Variants in SLC4A11 observed in about 807,000 individuals in gnomAD.
SLC4A11 encodes solute carrier family 4 member 11.
In SLC4A11, 74 loss-of-function variants were observed where a neutral mutation model predicts 95.0. That is an observed-to-expected ratio of 0.78 (90% CI 0.65 to 0.95). SLC4A11 has a LOEUF of 0.95. Ranked by LOEUF, SLC4A11 falls within the 40% of genes least tolerant of loss-of-function variation. The pLI is 0.00. For missense variants in SLC4A11, 1,081 were observed against 1,192.4 expected (o/e 0.91, Z 1.38); for synonymous variants, 548 against 519.0 (o/e 1.06, Z -0.76).
chr20:3,229,069 A>ACC, intron 16 of SLC4A11, 26 bp downstream of exon 16: 1 of 193,708 alleles, frequency 5.2e-6, no homozygotes, highest in Non-Finnish European at 9.0e-6. Flanking sequence ...GGCCCCGCCC[A>ACC]CCCCACCCTC....
Position 3,231,310 on chromosome 20 carries a change from C to G in SLC4A11, c.948+20G>C, listed in dbSNP as rs369116046. On this transcript the variant is annotated intron_variant, in intron 8 of 19. Transcript: ENST00000642402. This position sits in a 1 kb window ranked among gnomAD's most constrained non-coding sequence, Gnocchi z 5.2. Reference sequence around the variant, plus strand: ...TGCCCCCGCCGACCCTGCCGGCCCCCGCCGGCCTCTACCCTGTACCTCTGG... The same window carrying G: ...TGCCCCCGCCGACCCTGCCGGCCCCGGCCGGCCTCTACCCTGTACCTCTGG... 1.9e-6 allele frequency: 3 copies of G among 1,613,484 alleles called. No homozygotes were observed. The highest frequency in any genetic ancestry group is 2.5e-6 in the Non-Finnish European group (3 of 1,179,962).
rs1476388749 is a variant in SLC4A11, at chr20:3,231,859, T to C, written c.730-311A>G. 6.6e-6 allele frequency among the ~76,000 whole-genome samples: 1 copy of C among 152,210 alleles called. No individual in the cohort carries two copies. Among genetic ancestry groups the C allele is most frequent in the African/African-American group, 2.4e-5 (1 of 41,454 alleles). On this transcript the variant is annotated intron_variant, in intron 7 of 19. Coordinates refer to ENST00000642402, the MANE Select transcript of SLC4A11 (RefSeq NM_001174089.2). This position sits in a 1 kb window ranked among gnomAD's most constrained non-coding sequence, Gnocchi z 5.2. Reference sequence around the variant, plus strand: ...TTTTTGTAGAGACGAGGTCTCACTATGTTGACCAGGCTGGTCTCAAACTCC... The same window carrying C: ...TTTTTGTAGAGACGAGGTCTCACTACGTTGACCAGGCTGGTCTCAAACTCC...
At chr20:3,230,473 C>T (rs1449613359) in intron 12 of SLC4A11, 42 bp downstream of exon 12, 1 of 1,613,160 alleles carries the variant, frequency 6.2e-7, no homozygotes, top group Admixed American at 1.7e-5. Context: ...AACCAGATCC[C>T]AAGCCTTGAG....
chr20:3,238,754 G>A (rs1385518103), intron 1 of SLC4A11: 1 of 1,095,056 alleles, frequency 9.1e-7, no homozygotes, highest in Non-Finnish European at 1.1e-6. Flanking sequence ...GCTCCCAAAA[G>A]CTCGGCGCTC....
chr20:3,234,444 A>T lies in SLC4A11; in HGVS notation c.291+124T>A, dbSNP rs2067900360. The T allele has an allele frequency of 1.5e-5, 21 of 1,392,666 alleles. No homozygotes were observed. The highest frequency in any genetic ancestry group is 2.1e-5 in the Non-Finnish European group (21 of 988,924). 86.3% of individuals were successfully genotyped at this position (1,392,666 alleles called of 1,614,324 possible). Reference sequence around the variant, plus strand: ...CAGCCCCCAGCCCTGGGCTGGTGCGAGCTCCCTGTTGAGCTGCTCCTGGAG... The same window carrying T: ...CAGCCCCCAGCCCTGGGCTGGTGCGTGCTCCCTGTTGAGCTGCTCCTGGAG... On this transcript the variant is annotated intron_variant, in intron 4 of 19. Coordinates refer to ENST00000642402, the MANE Select transcript of SLC4A11 (RefSeq NM_001174089.2). This position sits in a 1 kb window ranked among gnomAD's most constrained non-coding sequence, Gnocchi z 5.8.
chr20:3,228,972 G>C lies in SLC4A11; in HGVS notation c.2058C>G (p.Leu686=), dbSNP rs141079217. The C allele has an allele frequency of 2.1e-4, 345 of 1,613,686 alleles. No individual in the cohort carries two copies. The highest frequency in any genetic ancestry group is 3.6e-5 in the Non-Finnish European group (43 of 1,180,034). ...KGTAYHWDLL[L]LAIINTGLSL... ...ACAGCCCTGTGTTGATGATGGCGAG[G>C]AGCAGGAGGTCCCAGTGGTAGGCAG... Residue 686 remains leucine (L), a synonymous_variant, in exon 17 of 20, where the codon CTC becomes CTG. Transcript: ENST00000642402.
intron 1 of SLC4A11, chr20:3,238,439 C>T: frequency 5.8e-6 from 6 of 1,027,476 alleles, no homozygotes; most frequent in Non-Finnish European, 5.8e-6. Context: ...GGGGCGGGGG[C>T]GCTGGGGCGC....
At chr20:3,239,420 C>G (rs1266533919), upstream of SLC4A11, 1 of 1,072,498 alleles carries the variant, frequency 9.3e-7, no homozygotes, top group African/African-American at 1.7e-5. Flanking sequence ...CCGAGTAGAC[C>G]CGGCTCCTTC....
In SLC4A11 at chr20:3,234,412, C is replaced by T; in HGVS notation, c.292-98G>A. ...CAGCCAGCCGCAGCAGTCCAGCCCC[C>T]AGCCCCCAGCCCCCAGCCCTGGGCT... is the stretch of plus-strand genomic sequence containing the variant. On this transcript the variant is annotated intron_variant, in intron 4 of 19. Coordinates refer to ENST00000642402, the MANE Select transcript of SLC4A11 (RefSeq NM_001174089.2). This position sits in a 1 kb window ranked among gnomAD's most constrained non-coding sequence, Gnocchi z 5.8. 1 of 1,476,384 alleles carries T rather than the reference C, an allele frequency of 6.8e-7. No individual in the cohort carries two copies. Among genetic ancestry groups the T allele is most frequent in the East Asian group, 2.3e-5 (1 of 43,710 alleles). The allele number at this position is 1,476,384 out of a possible 1,614,324, so 91.5% of individuals were successfully genotyped here. A position where few individuals can be genotyped will look rare whatever the true frequency, so the allele number is the denominator to read the frequency against.
At chr20:3,228,460 C>A (rs767489954) in intron 18 of SLC4A11, 32 bp from the exon 19 acceptor site, 2 of 1,612,962 alleles carry the variant, frequency 1.2e-6, no homozygotes, top group South Asian at 2.2e-5. Flanking sequence ...TGTGGGCAGG[C>A]ATGGGGCTGT....
chr20:3,236,476 CTA>C (rs2067984802), intron 2 of SLC4A11, among the ~76,000 whole-genome samples: 1 of 152,146 alleles, frequency 6.6e-6, no homozygotes, highest in Non-Finnish European at 1.5e-5. Context: ...GTAGTCCCAG[CTA>C]CTCGGGAGGC....
rs748771245 is a variant in SLC4A11, at chr20:3,231,868, G to A, written c.730-320C>T. On this transcript the variant is annotated intron_variant, in intron 7 of 19. Coordinates refer to ENST00000642402, the MANE Select transcript of SLC4A11 (RefSeq NM_001174089.2). This position sits in a 1 kb window ranked among gnomAD's most constrained non-coding sequence, Gnocchi z 5.2. ...AGACGAGGTCTCACTATGTTGACCA[G>A]GCTGGTCTCAAACTCCTGGCCTCAA... Among the ~76,000 whole-genome samples the A allele has an allele frequency of 3.7e-4, 57 of 152,122 alleles. No individual in the cohort carries two copies. The highest frequency in any genetic ancestry group is 1.9e-4 in the Non-Finnish European group (13 of 68,020).
intron 2 of SLC4A11, among the ~76,000 whole-genome samples, chr20:3,237,234 G>T (rs2068009911): frequency 6.6e-6 from 1 of 152,190 alleles, no homozygotes; most frequent in Non-Finnish European, 1.5e-5. Flanking sequence ...AGAGGGACAG[G>T]GGCACACAGA....
At chr20:3,239,005 G>A (rs1292512323) in intron 1 of SLC4A11, 90 bp downstream of exon 1, 2 of 1,409,594 alleles carry the variant, frequency 1.4e-6, no homozygotes, top group Non-Finnish European at 1.8e-6. Context: ...CAGGCAGACG[G>A]CATCCGCGTT....
At chr20:3,232,072 A>G (rs1177819800) in intron 7 of SLC4A11, among the ~76,000 whole-genome samples, 1 of 152,258 alleles carries the variant, frequency 6.6e-6, no homozygotes, top group African/African-American at 2.4e-5. Flanking sequence ...TTATAAACTC[A>G]TGATTTCTTA....
rs1489007444 is a variant in SLC4A11 at position 3,234,937 on chromosome 20, C to T, written c.89-43G>A. On this transcript the variant is annotated intron_variant, in intron 2 of 19. Transcript: ENST00000642402. The surrounding 1 kb of genome is among the most constrained non-coding windows in gnomAD (Gnocchi z 5.8). ...CAAGAGGGCCTGGCTGTTAAAGTGC[C>T]ACACACAGGAAGGAGGGGCTCCAAG... 1.9e-6 allele frequency: 3 copies of T among 1,612,670 alleles called. No individual in the cohort carries two copies. Among genetic ancestry groups the T allele is most frequent in the Non-Finnish European group, 2.5e-6 (3 of 1,179,468 alleles).
Position 3,228,983 on chromosome 20 carries a change from CCCA to C in SLC4A11, c.2044_2046del (p.Trp682del). 6.2e-7 allele frequency: 1 copy of C among 1,613,686 alleles called. No homozygotes were observed. Among genetic ancestry groups the C allele is most frequent in the Non-Finnish European group, 8.5e-7 (1 of 1,180,010 alleles). The stretch of plus-strand genomic sequence containing the variant: ...TTGATGATGGCGAGGAGCAGGAGGT[CCCA>C]GTGGTAGGCAGTGCCCTTCACCAGC... On this transcript the variant is annotated inframe_deletion, in exon 17 of 20. Coordinates refer to ENST00000642402, the MANE Select transcript of SLC4A11 (RefSeq NM_001174089.2).
intron 1 of SLC4A11, chr20:3,238,198 T>G (rs2068049452): frequency 5.0e-6 from 7 of 1,391,048 alleles, no homozygotes; most frequent in Non-Finnish European, 4.7e-6. Flanking sequence ...GGAGAACAAT[T>G]GGGGGTGGGA....
In SLC4A11 at chr20:3,234,638, G is replaced by A. The variant is rs200058138; in HGVS notation, c.242-21C>T. On this transcript the variant is annotated intron_variant, in intron 3 of 19. Transcript: ENST00000642402. This position sits in a 1 kb window ranked among gnomAD's most constrained non-coding sequence, Gnocchi z 5.8. ...ATTCTCTGCCGGAGAAAAGCGGGGA[G>A]GGCTCAGGGTGCCACCCTCTCCTCA... 1 of 1,613,902 alleles carries A rather than the reference G, an allele frequency of 6.2e-7. No homozygotes were observed. Among genetic ancestry groups the A allele is most frequent in the East Asian group, 2.2e-5 (1 of 44,874 alleles).
Sources: gnomAD v4.1 joint callset for allele counts (sites outside exome capture counted in the v4.1 genomes callset) on GRCh38, gnomAD v4.1.1 for gene constraint, Gnocchi (gnomAD v3.1) non-coding constraint, MANE v1.5 for transcripts, NCBI Gene and HGNC (gene_info 2026-07-23, HGNC 2026-07-21) for gene names.